STK39: variants seen among roughly 807,000 people sequenced by gnomAD.
The protein encoded by STK39 is STE20/SPS1-related proline-alanine-rich protein kinase.
Under a neutral mutation model 77.8 loss-of-function variants are expected in STK39, and 20 were observed. The observed-to-expected ratio is 0.26, with a 90% CI of 0.18 to 0.37. The LOEUF is 0.37. Ranked by LOEUF, STK39 falls within the 10% of genes least tolerant of loss-of-function variation. The pLI is 1.00. For synonymous variants in STK39, 246 were observed against 234.1 expected, an observed-to-expected ratio of 1.05 and a Z score of -0.47; for missense variants, 479 against 656.5, an observed-to-expected ratio of 0.73 and a Z score of 2.95.
Position 168,027,213 on chromosome 2 carries a change from G to A in STK39, c.1377-10118C>T, listed in dbSNP as rs1640216969. ...GCCCACAGCCTTGCCCGAAATCGAA[G>A]CTCTCCTGGATGTGTGTATCTCCAG... On this transcript the variant is annotated intron_variant, in intron 14 of 17. Transcript: ENST00000355999. 2.0e-5 allele frequency among the ~76,000 whole-genome samples: 3 copies of A among 152,078 alleles called. No homozygotes were observed. In the South Asian group the frequency reaches 6.2e-4, roughly 31 times the overall value.
At chr2:168,095,713 G>A (rs778496157) in intron 10 of STK39, among the ~76,000 whole-genome samples, 1 of 140,678 alleles carries the variant, frequency 7.1e-6, no homozygotes, top group Non-Finnish European at 1.5e-5. Context: ...TGCAAGCTCC[G>A]CCTCCTGGGT....
At chr2:168,059,368 G>A (rs1232624205) in intron 14 of STK39, among the ~76,000 whole-genome samples, 2 of 152,176 alleles carry the variant, frequency 1.3e-5, no homozygotes, top group African/African-American at 4.8e-5. Context: ...TTGATTTTGA[G>A]TTCATCAAAA....
intron 1 of STK39, among the ~76,000 whole-genome samples, chr2:168,195,727 C>T (rs73031028): frequency 3.6e-4 from 55 of 152,326 alleles, no homozygotes; most frequent in African/African-American, 1.3e-3. Flanking sequence ...AAGAATTCCA[C>T]CACTATTGGC....
At chr2:168,094,707 C>T (rs574430057) in intron 10 of STK39, among the ~76,000 whole-genome samples, 34 of 152,220 alleles carry the variant, frequency 2.2e-4, no homozygotes, top group African/African-American at 7.7e-4. Flanking sequence ...GACTGTTCCC[C>T]CAGGACTCCC....
Position 168,203,634 on chromosome 2 carries a change from C to CCAGGCTGGAGTAGTGA in STK39, c.209-21545_209-21544insTCACTACTCCAGCCTG, listed in dbSNP as rs1230902618. On this transcript the variant is annotated intron_variant, in intron 1 of 17. Transcript: ENST00000355999. Reference sequence around the variant, plus strand: ...TTGAGACGGAGTCTCGCTCTGTCACCCAGGCTGGAGTACAGTGGTACAATC... The same window carrying CCAGGCTGGAGTAGTGA: ...TTGAGACGGAGTCTCGCTCTGTCACCCAGGCTGGAGTAGTGACAGGCTGGAGTACAGTGGTACAATC... Among the ~76,000 whole-genome samples the CCAGGCTGGAGTAGTGA allele has an allele frequency of 2.0e-5, 3 of 152,170 alleles. No homozygotes were observed. In the East Asian group the frequency reaches 5.8e-4, roughly 29 times the overall value.
intron 10 of STK39, among the ~76,000 whole-genome samples, chr2:168,114,014 T>A (rs1184950815): frequency 5.3e-4 from 80 of 152,246 alleles, no homozygotes; most frequent in Non-Finnish European, 4.4e-5. Flanking sequence ...AAAAATACAC[T>A]CAATAGGCTA....
intron 14 of STK39, among the ~76,000 whole-genome samples, chr2:168,060,131 C>A (rs1199373977): frequency 2.0e-5 from 3 of 152,088 alleles, no homozygotes; most frequent in Non-Finnish European, 2.9e-5. Flanking sequence ...GACATCCCCC[C>A]CCTTTCCACC....
intron 1 of STK39, among the ~76,000 whole-genome samples, chr2:168,207,887 A>G (rs1689782526): frequency 6.6e-6 from 1 of 152,326 alleles, no homozygotes; most frequent in Non-Finnish European, 1.5e-5. Flanking sequence ...TCTACTCCCA[A>G]AGTCCACACC....
chr2:168,117,707 A>G (rs1295169507), intron 10 of STK39, among the ~76,000 whole-genome samples: 1 of 152,106 alleles, frequency 6.6e-6, no homozygotes, highest in Non-Finnish European at 1.5e-5. Flanking sequence ...ACTGGTAGAA[A>G]AGTACAATTA....
intron 17 of STK39, among the ~76,000 whole-genome samples, chr2:167,956,667 GAC>G (rs762455680): frequency 7.7e-4 from 37 of 47,922 alleles, no homozygotes; most frequent in African/African-American, 1.2e-3. Flanking sequence ...CTTGCTTTTA[GAC>G]ACACACACAC....
intron 16 of STK39, among the ~76,000 whole-genome samples, chr2:167,999,266 T>C (rs1341098410): frequency 6.6e-6 from 1 of 152,214 alleles, no homozygotes. Flanking sequence ...GTTTTTTCAT[T>C]ATTGTCTTTT....
intron 16 of STK39, among the ~76,000 whole-genome samples, chr2:168,000,245 A>G (rs532104532): frequency 2.6e-5 from 4 of 152,372 alleles, no homozygotes; most frequent in South Asian, 2.1e-4. Context: ...CTAAGTGCAG[A>G]GTTCTATATT....
chr2:168,121,853 T>C (rs568341354), intron 10 of STK39, among the ~76,000 whole-genome samples: 1 of 152,244 alleles, frequency 6.6e-6, no homozygotes, highest in African/African-American at 2.4e-5. Context: ...AGCAACACAA[T>C]GTAAGTATTG....
chr2:168,202,049 C>A (rs143275535), intron 1 of STK39, among the ~76,000 whole-genome samples: 2 of 152,298 alleles, frequency 1.3e-5, no homozygotes, highest in South Asian at 4.1e-4. Context: ...TTTGGGCCCC[C>A]CGCCCCCGCT....
chr2:167,962,655 T>C (rs1423739087), intron 17 of STK39, among the ~76,000 whole-genome samples: 1 of 152,136 alleles, frequency 6.6e-6, no homozygotes, highest in African/African-American at 2.4e-5. Flanking sequence ...CTGCTGAAGG[T>C]ACAAAGGAGA....
intron 10 of STK39, among the ~76,000 whole-genome samples, chr2:168,095,572 A>G (rs1245423130): frequency 6.7e-6 from 1 of 148,508 alleles, no homozygotes; most frequent in Non-Finnish European, 1.5e-5. Context: ...TCAAATCCCC[A>G]CTATCATCAA....
Position 168,247,544 on chromosome 2 carries a change from C to CCG in STK39, c.-110_-109insCG. On this transcript the variant is annotated 5_prime_UTR_variant, in exon 1 of 18. Coordinates refer to ENST00000355999, the MANE Select transcript of STK39 (RefSeq NM_013233.3). ...TCTCGGCCGGCGCACGCCCTCCCCG[C>CCG]CCGCCGCCGCCGCCGCCGTCCCCGC... is the stretch of plus-strand genomic sequence containing the variant. 1 of 478,038 alleles carries CCG rather than the reference C, an allele frequency of 2.1e-6. No homozygotes were observed. The highest frequency in any genetic ancestry group is 2.9e-6 in the Non-Finnish European group (1 of 348,368). 29.6% of individuals were successfully genotyped at this position (478,038 alleles called of 1,614,324 possible).
intron 1 of STK39, among the ~76,000 whole-genome samples, chr2:168,211,059 C>T (rs564032142): frequency 6.6e-6 from 1 of 152,244 alleles, no homozygotes; most frequent in South Asian, 2.1e-4. Flanking sequence ...TCTCTATTTA[C>T]GTAATCACAA....
chr2:168,229,950 T>C (rs969080634), intron 1 of STK39, among the ~76,000 whole-genome samples: 3 of 152,234 alleles, frequency 2.0e-5, no homozygotes, highest in Non-Finnish European at 4.4e-5. Context: ...ACTCTGATGC[T>C]TAGTTCATAC....
Sources: gnomAD v4.1 joint callset for allele counts (sites outside exome capture counted in the v4.1 genomes callset) on GRCh38, gnomAD v4.1.1 for gene constraint, MANE v1.5 for transcripts, NCBI Gene and HGNC (gene_info 2026-07-23, HGNC 2026-07-21) for gene names.